Variants in SATL1 observed in about 807,000 individuals in gnomAD.
SATL1 encodes spermidine/spermine N(1)-acetyltransferase-like protein 1.
A neutral mutation model predicts 51.8 loss-of-function variants in SATL1; 47 were observed. The ratio of observed to expected loss-of-function variants is 0.91; its 90% confidence interval spans 0.72 to 1.16. The LOEUF is 1.16. Among genes scored for constraint, SATL1 ranks in the 50% most tolerant of loss-of-function variants. The pLI, the probability that SATL1 is intolerant of heterozygous loss-of-function variation, is 0.00. For missense variants in SATL1, 520 were observed against 526.4 expected, an observed-to-expected ratio of 0.99 and a Z score of 0.12; for synonymous variants, 176 against 182.4, an observed-to-expected ratio of 0.97 and a Z score of 0.28.
intron 2 of SATL1, among the ~76,000 whole-genome samples, chrX:85,138,283 T>C (rs760342534): frequency 9.0e-6 from 1 of 111,660 alleles, no homozygotes; most frequent in Non-Finnish European, 1.9e-5. Context: ...GTGCTTAGTG[T>C]CTGCTGTAGT....
chrX:85,170,117 G>A (rs1370734529), intron 2 of SATL1, among the ~76,000 whole-genome samples: 4 of 110,596 alleles, frequency 3.6e-5, no homozygotes, highest in Non-Finnish European at 5.7e-5. Context: ...AGATACTGGG[G>A]CCTACTTAAG....
At position 85,153,781 on chromosome X, in the gene SATL1, A is replaced by T. The variant is rs774622269; in HGVS notation, c.-312-44501T>A. On this transcript the variant is annotated intron_variant, in intron 2 of 7. Transcript: ENST00000644105. ...GGTACATGGGGACCAAATGTGACCA[A>T]CTCTGGAGTACTCTGGATCTGATTT... 4.4e-4 allele frequency: 49 copies of T among 111,339 alleles called. 1 individual carries two copies. Among genetic ancestry groups the T allele is most frequent in the African/African-American group, 1.6e-3 (48 of 30,703 alleles). The allele number at this position is 111,339 out of a possible 1,213,427, so 9.2% of individuals were successfully genotyped here. A position where few individuals can be genotyped will look rare whatever the true frequency, so the allele number is the denominator to read the frequency against.
At chrX:85,145,965 C>T (rs909519281) in intron 2 of SATL1, among the ~76,000 whole-genome samples, 5 of 106,705 alleles carry the variant, frequency 4.7e-5, no homozygotes, top group East Asian at 3.0e-4. Flanking sequence ...GGCACGATCT[C>T]GGCTCACTGC....
At chrX:85,126,004 T>C (rs772058550) in intron 2 of SATL1, among the ~76,000 whole-genome samples, 1 of 110,253 alleles carries the variant, frequency 9.1e-6, no homozygotes, top group Non-Finnish European at 1.9e-5. Flanking sequence ...CCAAAAAGGA[T>C]TTCAGGTCTT....
At chrX:85,169,776 TA>T (rs1276601123) in intron 2 of SATL1, among the ~76,000 whole-genome samples, 1 of 111,490 alleles carries the variant, frequency 9.0e-6, no homozygotes, top group Non-Finnish European at 1.9e-5. Flanking sequence ...ACTTGGTGTA[TA>T]CTTAAAGGAA....
chrX:85,099,298 C>A (rs1924824692), intron 4 of SATL1, among the ~76,000 whole-genome samples: 1 of 111,133 alleles, frequency 9.0e-6, no homozygotes, highest in Non-Finnish European at 1.9e-5. Context: ...AACCAAATGG[C>A]CTCATCACTG....
chrX:85,223,893 GA>G (rs746446060), intron 2 of SATL1, among the ~76,000 whole-genome samples: 21 of 110,981 alleles, frequency 1.9e-4, no homozygotes, highest in Admixed American at 1.7e-3. Context: ...GGGGAGCAGG[GA>G]AAAAAATACT....
At chrX:85,151,078 G>T (rs1241224531) in intron 2 of SATL1, among the ~76,000 whole-genome samples, 2 of 108,939 alleles carry the variant, frequency 1.8e-5, no homozygotes, top group East Asian at 2.9e-4. Context: ...CATTGTCTCA[G>T]CCCAAAATCT....
Position 85,162,503 on chromosome X carries a change from C to T in SATL1, c.-312-53223G>A, listed in dbSNP as rs753802389. Among the ~76,000 whole-genome samples the T allele has an allele frequency of 1.7e-4, 19 of 111,484 alleles. No homozygotes were observed. In the South Asian group the frequency reaches 6.4e-3, roughly 38 times the overall value. On this transcript the variant is annotated intron_variant, in intron 2 of 7. Transcript: ENST00000644105. Reference sequence around the variant, plus strand: ...TGGTGAACAGCAACAGTTTGACTTCCTCATTTCCGATTTGGGTGCCCTTTA... The same window carrying T: ...TGGTGAACAGCAACAGTTTGACTTCTTCATTTCCGATTTGGGTGCCCTTTA...
chrX:85,132,366 C>G (rs1440882437), intron 2 of SATL1, among the ~76,000 whole-genome samples: 1 of 109,410 alleles, frequency 9.1e-6, no homozygotes, highest in African/African-American at 3.3e-5. Context: ...CTTTTTTTTT[C>G]TAAACTTCTC....
chrX:85,156,148 A>T (rs1462025943), intron 2 of SATL1, among the ~76,000 whole-genome samples: 1 of 111,685 alleles, frequency 9.0e-6, no homozygotes, highest in Admixed American at 9.6e-5. Context: ...AACCACTTTG[A>T]ACATGGAAAA....
At chrX:85,181,102 T>G (rs1927190899) in intron 2 of SATL1, among the ~76,000 whole-genome samples, 2 of 107,540 alleles carry the variant, frequency 1.9e-5, no homozygotes, top group South Asian at 8.1e-4. Context: ...ATGTAATGTG[T>G]GTGTGTGTGT....
At chrX:85,163,208 G>T in intron 2 of SATL1, among the ~76,000 whole-genome samples, 1 of 106,951 alleles carries the variant, frequency 9.4e-6, no homozygotes, top group Non-Finnish European at 1.9e-5. Flanking sequence ...TGTTGTTGTT[G>T]TTGGCAATTT....
chrX:85,136,739 A>T (rs1038890330), intron 2 of SATL1, among the ~76,000 whole-genome samples: 1 of 112,016 alleles, frequency 8.9e-6, no homozygotes, highest in African/African-American at 3.2e-5. Flanking sequence ...TTTCTTTGGT[A>T]GCCCCACAAA....
intron 2 of SATL1, among the ~76,000 whole-genome samples, chrX:85,190,803 T>A (rs905843359): frequency 1.6e-4 from 18 of 110,700 alleles, no homozygotes; most frequent in African/African-American, 5.9e-4. Context: ...AAGGATGAGT[T>A]CATGTCCTTT....
intron 2 of SATL1, among the ~76,000 whole-genome samples, chrX:85,157,883 G>T (rs1445121628): frequency 9.0e-6 from 1 of 111,288 alleles, no homozygotes; most frequent in African/African-American, 3.3e-5. Flanking sequence ...TACCATACCT[G>T]TCCCAATCTA....
intron 2 of SATL1, among the ~76,000 whole-genome samples, chrX:85,151,294 C>A (rs984426451): frequency 1.9e-4 from 21 of 110,797 alleles, no homozygotes; most frequent in Non-Finnish European, 3.4e-4. Context: ...GAACTACAAA[C>A]CGGTGCTCAA....
At chrX:85,141,232 C>T (rs1210044832) in intron 2 of SATL1, among the ~76,000 whole-genome samples, 1 of 111,527 alleles carries the variant, frequency 9.0e-6, no homozygotes, top group Admixed American at 9.6e-5. Flanking sequence ...TTCCATGTGG[C>T]CACTCCTAGC....
Position 85,109,113 on chromosome X carries a change from C to G in SATL1, c.-145G>C. On this transcript the variant is annotated 5_prime_UTR_variant, in exon 3 of 8. Coordinates refer to ENST00000644105, the MANE Select transcript of SATL1 (RefSeq NM_001367857.2). ...AGGTTGTTGGCTGTTCCCAGTTCTTCTCAATTTGATTCGCCCACTTTGAGA... is the reference window on the plus strand; with the variant it reads ...AGGTTGTTGGCTGTTCCCAGTTCTTGTCAATTTGATTCGCCCACTTTGAGA... The G allele has an allele frequency of 1.8e-6, 1 of 547,920 alleles. No homozygotes were observed. The highest frequency in any genetic ancestry group is 3.3e-5 in the South Asian group (1 of 30,600). 45.2% of individuals were successfully genotyped at this position (547,920 alleles called of 1,213,427 possible). A position where few individuals can be genotyped will look rare whatever the true frequency, so the allele number is the denominator to read the frequency against.
Sources: gnomAD v4.1 joint callset for allele counts (sites outside exome capture counted in the v4.1 genomes callset) on GRCh38, gnomAD v4.1.1 for gene constraint, MANE v1.5 for transcripts, NCBI Gene and HGNC (gene_info 2026-07-23, HGNC 2026-07-21) for gene names.